The following LRMDA variants were observed in gnomAD, a reference collection of about 807,000 sequenced individuals.
LRMDA encodes the protein leucine rich melanocyte differentiation associated.
Under a neutral mutation model 29.8 loss-of-function variants are expected in LRMDA, and 18 were observed. The observed-to-expected ratio is 0.60, with a 90% confidence interval of 0.42 to 0.90. The LOEUF (loss-of-function observed/expected upper bound fraction) is 0.90, where lower values mean the gene tolerates loss of function less well. LRMDA is among the 40% of genes least tolerant of loss of function. LRMDA has a pLI of 0.00. For missense variants in LRMDA, 273 were observed against 273.9 expected (o/e 1.00, Z 0.02); for synonymous variants, 125 against 109.4 (o/e 1.14, Z -0.89).
At chr10:75,727,318 G>A (rs1346846438) in intron 2 of LRMDA, among the ~76,000 whole-genome samples, 1 of 152,130 alleles carries the variant, frequency 6.6e-6, no homozygotes, top group Non-Finnish European at 1.5e-5. Context: ...TGTGTGTTTG[G>A]GTAGCTGAGC....
At chr10:76,346,344 A>G (rs375625347) in intron 6 of LRMDA, 2 of 152,216 alleles carry the variant, frequency 1.3e-5, no homozygotes, top group South Asian at 4.1e-4. Context: ...TGGGTGATTT[A>G]TAACTGTTTT....
intron 6 of LRMDA, among the ~76,000 whole-genome samples, chr10:76,506,970 T>C (rs1308688724): frequency 6.6e-6 from 1 of 152,138 alleles, no homozygotes; most frequent in East Asian, 1.9e-4. Context: ...CTTTTGGACA[T>C]ATACCCAGCA....
At chr10:75,587,501 G>A (rs1840671263) in intron 2 of LRMDA, among the ~76,000 whole-genome samples, 1 of 152,110 alleles carries the variant, frequency 6.6e-6, no homozygotes, top group African/African-American at 2.4e-5. Flanking sequence ...TTATATACAT[G>A]TAATCCAGAA....
At chr10:75,938,882 A>G (rs1320609790) in intron 2 of LRMDA, among the ~76,000 whole-genome samples, 2 of 152,210 alleles carry the variant, frequency 1.3e-5, no homozygotes, top group Non-Finnish European at 2.9e-5. Context: ...AGTATTGTAA[A>G]TCTTACATTG....
At chr10:76,356,341 G>T (rs9299535) in intron 6 of LRMDA, among the ~76,000 whole-genome samples, 45,612 of 152,020 alleles carry the variant, frequency 0.3, 9,575 homozygotes, top group African/African-American at 0.59. Flanking sequence ...TTTATTTAGC[G>T]AAGCAATACC....
chr10:76,000,651 T>C (rs1847547698), intron 2 of LRMDA, among the ~76,000 whole-genome samples: 1 of 152,110 alleles, frequency 6.6e-6, no homozygotes, highest in Non-Finnish European at 1.5e-5. Flanking sequence ...GGCTTATTGC[T>C]CATGAGGGAG....
intron 6 of LRMDA, among the ~76,000 whole-genome samples, chr10:76,348,345 A>G (rs1476817059): frequency 6.6e-6 from 1 of 152,222 alleles, no homozygotes; most frequent in Non-Finnish European, 1.5e-5. Context: ...GGATGTATTC[A>G]GGAAGCTGCC....
At chr10:75,509,185 T>C (rs1845199595) in intron 2 of LRMDA, among the ~76,000 whole-genome samples, 1 of 152,160 alleles carries the variant, frequency 6.6e-6, no homozygotes, top group South Asian at 2.1e-4. Flanking sequence ...CCACCGTTGC[T>C]GGCTGACATC....
At chr10:75,865,047 A>T (rs928934942) in intron 2 of LRMDA, among the ~76,000 whole-genome samples, 6 of 152,110 alleles carry the variant, frequency 3.9e-5, no homozygotes, top group African/African-American at 7.2e-5. Context: ...TTTACCCTCT[A>T]CCTGAAAGTA....
chr10:75,616,234 T>TAGCAGC (rs1006575002), intron 2 of LRMDA, among the ~76,000 whole-genome samples: 5 of 146,812 alleles, frequency 3.4e-5, no homozygotes, highest in African/African-American at 1.4e-4. Flanking sequence ...ACAGTAATAG[T>TAGCAGC]AGCAGTAGCA....
chr10:75,483,310 A>G (rs1844873475), intron 2 of LRMDA, among the ~76,000 whole-genome samples: 1 of 152,212 alleles, frequency 6.6e-6, no homozygotes, highest in African/African-American at 2.4e-5. Flanking sequence ...ACAAATAGGT[A>G]CATTTTCATA....
chr10:75,483,773 A>C (rs1844878298), intron 2 of LRMDA, among the ~76,000 whole-genome samples: 1 of 151,474 alleles, frequency 6.6e-6, no homozygotes, highest in Non-Finnish European at 1.5e-5. Flanking sequence ...GGAGCGTATA[A>C]TTGTATCATA....
chr10:75,487,165 G>A (rs756402985), intron 2 of LRMDA, among the ~76,000 whole-genome samples: 12 of 152,154 alleles, frequency 7.9e-5, no homozygotes, highest in Non-Finnish European at 1.5e-4. Flanking sequence ...GTTCTTTCTC[G>A]AGCCTCTTTA....
intron 2 of LRMDA, among the ~76,000 whole-genome samples, chr10:75,839,549 T>C (rs1462543511): frequency 6.6e-6 from 1 of 151,824 alleles, no homozygotes; most frequent in Non-Finnish European, 1.5e-5. Flanking sequence ...TTTCCTTTTT[T>C]TTTTTTTTCA....
chr10:75,685,958 A>G (rs1842077052), intron 2 of LRMDA, among the ~76,000 whole-genome samples: 1 of 152,214 alleles, frequency 6.6e-6, no homozygotes, highest in Non-Finnish European at 1.5e-5. Context: ...TACCAGATAT[A>G]TGAGGTGGGG....
intron 2 of LRMDA, among the ~76,000 whole-genome samples, chr10:75,799,106 G>A (rs193198200): frequency 3.3e-5 from 5 of 152,276 alleles, no homozygotes; most frequent in Admixed American, 2.6e-4. Context: ...GTTTTATTAA[G>A]AGTTTCTGTG....
chr10:75,630,664 A>G (rs1841311058), intron 2 of LRMDA, among the ~76,000 whole-genome samples: 1 of 152,230 alleles, frequency 6.6e-6, no homozygotes, highest in Non-Finnish European at 1.5e-5. Flanking sequence ...AAAATGGGTG[A>G]CTGGTTAGAT....
chr10:75,703,894 T>G (rs746382900), intron 2 of LRMDA, among the ~76,000 whole-genome samples: 13 of 152,254 alleles, frequency 8.5e-5, no homozygotes, highest in Non-Finnish European at 1.9e-4. Flanking sequence ...GAGCTTTTAC[T>G]TTTATTGAAA....
chr10:75,469,119 C>T (rs776241108), intron 2 of LRMDA, among the ~76,000 whole-genome samples: 1 of 151,898 alleles, frequency 6.6e-6, no homozygotes, highest in Non-Finnish European at 1.5e-5. Flanking sequence ...AATGGGTTTC[C>T]CTGCCAAAAC....
Sources: gnomAD v4.1 joint callset for allele counts (sites outside exome capture counted in the v4.1 genomes callset) on GRCh38, gnomAD v4.1.1 for gene constraint, MANE v1.5 for transcripts, NCBI Gene and HGNC (gene_info 2026-07-23, HGNC 2026-07-21) for gene names.